GRIK1: variants seen among roughly 807,000 people sequenced by gnomAD.
The protein encoded by GRIK1 is glutamate ionotropic receptor kainate type subunit 1, also known as glutamate receptor ionotropic, kainate 1.
GRIK1 carries 69 observed loss-of-function variants against 105.7 expected under a neutral mutation model. The observed-to-expected ratio is 0.65, with a 90% confidence interval of 0.54 to 0.80. The LOEUF is 0.80. Among genes scored for constraint, GRIK1 ranks in the 30% least tolerant of loss-of-function variants. The probability of loss-of-function intolerance (pLI) is 0.00; values close to 1 mark genes in which losing one functional copy is unlikely to be tolerated. For missense variants in GRIK1, 1,109 were observed against 1,167.3 expected, an observed-to-expected ratio of 0.95 and a Z score of 0.73; for synonymous variants, 438 against 431.3, an observed-to-expected ratio of 1.02 and a Z score of -0.19.
chr21:29,741,302 A>T (rs1185850150), intron 1 of GRIK1, among the ~76,000 whole-genome samples: 1 of 152,166 alleles, frequency 6.6e-6, no homozygotes, highest in African/African-American at 2.4e-5. Flanking sequence ...TCTTTTAATG[A>T]TGTTCAATCA....
chr21:29,694,117 A>ATTTTTTTTTTTTTTTTTTTT (rs11434895), intron 1 of GRIK1, 54 bp from the exon 2 acceptor site: 2 of 371,132 alleles, frequency 5.4e-6, no homozygotes, highest in Non-Finnish European at 9.1e-6. Context: ...TTCACATGTA[A>ATTTTTTTTTTTTTTTTTTTT]TTTTTTTTTT....
At chr21:29,835,938 A>G (rs2067790556) in intron 1 of GRIK1, among the ~76,000 whole-genome samples, 1 of 152,186 alleles carries the variant, frequency 6.6e-6, no homozygotes, top group South Asian at 2.1e-4. Context: ...GTTTTCCCCA[A>G]CCACGCAAAT....
intron 7 of GRIK1, among the ~76,000 whole-genome samples, chr21:29,626,822 C>A (rs1460181662): frequency 6.6e-6 from 1 of 152,160 alleles, no homozygotes; most frequent in African/African-American, 2.4e-5. Context: ...TCAATATGAA[C>A]CTCTGGCAAG....
intron 1 of GRIK1, among the ~76,000 whole-genome samples, chr21:29,888,767 G>A (rs1171626111): frequency 6.6e-6 from 1 of 152,112 alleles, no homozygotes; most frequent in Admixed American, 6.5e-5. Context: ...GGTTTTAAAG[G>A]CCAGATAGCT....
intron 1 of GRIK1, among the ~76,000 whole-genome samples, chr21:29,819,568 A>T (rs112291377): frequency 6.6e-6 from 1 of 152,052 alleles, no homozygotes; most frequent in Admixed American, 6.6e-5. Flanking sequence ...TTCACTGTTG[A>T]GGTTATTTCC....
chr21:29,860,036 G>A (rs1365466901), intron 1 of GRIK1, among the ~76,000 whole-genome samples: 1 of 152,198 alleles, frequency 6.6e-6, no homozygotes, highest in Non-Finnish European at 1.5e-5. Context: ...AAGGAAGAAA[G>A]TGCAGGGCAT....
chr21:29,879,592 C>A (rs2146175706), intron 1 of GRIK1, among the ~76,000 whole-genome samples: 1 of 152,152 alleles, frequency 6.6e-6, no homozygotes, highest in Non-Finnish European at 1.5e-5. Context: ...TTTTACTTAT[C>A]CTCTTAAAAC....
At chr21:29,757,583 A>G (rs2065382513) in intron 1 of GRIK1, among the ~76,000 whole-genome samples, 1 of 152,228 alleles carries the variant, frequency 6.6e-6, no homozygotes, top group Non-Finnish European at 1.5e-5. Flanking sequence ...TGCTTAAAAG[A>G]TTGTCGGCAT....
chr21:29,856,136 G>A (rs1158607405), intron 1 of GRIK1, among the ~76,000 whole-genome samples: 1 of 152,146 alleles, frequency 6.6e-6, no homozygotes, highest in Non-Finnish European at 1.5e-5. Flanking sequence ...AGTCAGCCCA[G>A]TGGTGGGTGT....
chr21:29,914,360 G>A (rs377017519), intron 1 of GRIK1, among the ~76,000 whole-genome samples: 5 of 152,056 alleles, frequency 3.3e-5, no homozygotes, highest in Non-Finnish European at 5.9e-5. Context: ...GATCTGCTGG[G>A]ACTTCCGAGA....
At chr21:29,771,982 C>T (rs1337740314) in intron 1 of GRIK1, among the ~76,000 whole-genome samples, 1 of 152,192 alleles carries the variant, frequency 6.6e-6, no homozygotes, top group Non-Finnish European at 1.5e-5. Flanking sequence ...TAGTTGATGC[C>T]AAGTCCCCCA....
intron 1 of GRIK1, among the ~76,000 whole-genome samples, chr21:29,869,749 A>G (rs771327230): frequency 3.9e-5 from 6 of 152,184 alleles, no homozygotes; most frequent in African/African-American, 7.2e-5. Context: ...GCTAATAAAA[A>G]TAACTCATAT....
intron 1 of GRIK1, among the ~76,000 whole-genome samples, chr21:29,926,136 A>G (rs953372926): frequency 1.3e-5 from 2 of 151,384 alleles, no homozygotes; most frequent in Non-Finnish European, 2.9e-5. Flanking sequence ...CAAGGTATGT[A>G]TAGTTTAACA....
intron 1 of GRIK1, among the ~76,000 whole-genome samples, chr21:29,813,860 C>T (rs2067077162): frequency 6.6e-6 from 1 of 151,242 alleles, no homozygotes; most frequent in Non-Finnish European, 1.5e-5. Flanking sequence ...AGTGTCTTGT[C>T]CATCCACTAC....
At chr21:29,834,225 G>A (rs2067717947) in intron 1 of GRIK1, among the ~76,000 whole-genome samples, 1 of 150,464 alleles carries the variant, frequency 6.6e-6, no homozygotes, top group Non-Finnish European at 1.5e-5. Flanking sequence ...TACTACCCTC[G>A]GTTGCAAATA....
intron 1 of GRIK1, among the ~76,000 whole-genome samples, chr21:29,772,000 G>C (rs1398039852): frequency 2.0e-5 from 3 of 152,188 alleles, no homozygotes; most frequent in Non-Finnish European, 4.4e-5. Flanking sequence ...CCAGTTGTTT[G>C]AATACCATTC....
At chr21:29,810,583 A>C (rs1601755376) in intron 1 of GRIK1, among the ~76,000 whole-genome samples, 1 of 152,148 alleles carries the variant, frequency 6.6e-6, no homozygotes, top group East Asian at 1.9e-4. Flanking sequence ...AAGCGTGTCA[A>C]TCTATGGAAA....
chr21:29,868,425 A>T (rs1039880726), intron 1 of GRIK1, among the ~76,000 whole-genome samples: 4 of 152,192 alleles, frequency 2.6e-5, no homozygotes, highest in African/African-American at 9.7e-5. Flanking sequence ...ATCCTGTTAG[A>T]AGCCTGTTAC....
intron 1 of GRIK1, among the ~76,000 whole-genome samples, chr21:29,831,595 G>C (rs936006920): frequency 6.6e-6 from 1 of 151,984 alleles, no homozygotes. Context: ...AGAGTGAAGG[G>C]GGAGGTGCTA....
Sources: gnomAD v4.1 joint callset for allele counts (sites outside exome capture counted in the v4.1 genomes callset) on GRCh38, gnomAD v4.1.1 for gene constraint, MANE v1.5 for transcripts, NCBI Gene and HGNC (gene_info 2026-07-23, HGNC 2026-07-21) for gene names.